CEP63: variants seen among roughly 807,000 people sequenced by gnomAD.
CEP63 encodes centrosomal protein of 63 kDa.
CEP63 carries 84 observed loss-of-function variants against 89.1 expected under a neutral mutation model. That is an observed-to-expected ratio of 0.94 (90% confidence interval 0.79 to 1.13). The LOEUF (loss-of-function observed/expected upper bound fraction) is 1.13, where lower values mean the gene tolerates loss of function less well. Among genes scored for constraint, CEP63 ranks in the 50% most tolerant of loss-of-function variants. The pLI, the probability that CEP63 is intolerant of heterozygous loss-of-function variation, is 0.00. For missense variants in CEP63, 838 were observed against 813.3 expected (o/e 1.03, Z -0.37); for synonymous variants, 267 against 272.5 (o/e 0.98, Z 0.20).
the CEP63 span, among the ~76,000 whole-genome samples, chr3:134,664,615 G>A: frequency 4.6e-5 from 7 of 152,140 alleles, no homozygotes; most frequent in African/African-American, 9.6e-5. Flanking sequence ...ATTTGTTTGC[G>A]TTTTCCTAGA....
At chr3:134,623,654 A>C in the CEP63 span, among the ~76,000 whole-genome samples, 3 of 141,508 alleles carry the variant, frequency 2.1e-5, no homozygotes, top group African/African-American at 5.4e-5. Context: ...CCCACTACTC[A>C]CCTCCTGCTT....
chr3:134,706,972 A>G, the CEP63 span, among the ~76,000 whole-genome samples: 2 of 152,346 alleles, frequency 1.3e-5, no homozygotes, highest in East Asian at 3.9e-4. Context: ...CTCTAAATCT[A>G]AGATGATCTC....
At chr3:134,636,933 T>C in the CEP63 span, among the ~76,000 whole-genome samples, 1 of 152,246 alleles carries the variant, frequency 6.6e-6, no homozygotes, top group Admixed American at 6.5e-5. Context: ...TATTATTTTT[T>C]CCTCATTGAT....
At chr3:134,498,475 C>T (rs1239233432) in intron 2 of CEP63, among the ~76,000 whole-genome samples, 1 of 152,104 alleles carries the variant, frequency 6.6e-6, no homozygotes, top group Non-Finnish European at 1.5e-5. Context: ...TTAGGTTTTT[C>T]TGTATGTCAG....
the CEP63 span, among the ~76,000 whole-genome samples, chr3:134,641,713 C>G: frequency 6.6e-6 from 1 of 152,164 alleles, no homozygotes; most frequent in Non-Finnish European, 1.5e-5. Context: ...TATACAACCC[C>G]GCACAGCCCC....
At chr3:134,709,361 T>C in the CEP63 span, among the ~76,000 whole-genome samples, 7 of 152,046 alleles carry the variant, frequency 4.6e-5, no homozygotes, top group Non-Finnish European at 1.0e-4. Context: ...TGCTTGGAGA[T>C]AGCCAAGTTG....
the CEP63 span, among the ~76,000 whole-genome samples, chr3:134,727,005 CT>C: frequency 4.5e-3 from 691 of 152,332 alleles, 3 homozygotes; most frequent in African/African-American, 0.016. Context: ...TCCCTGTCCC[CT>C]GTCCCATTTC....
downstream of CEP63, among the ~76,000 whole-genome samples, chr3:134,589,931 A>T (rs768009411): frequency 6.6e-6 from 1 of 152,210 alleles, no homozygotes; most frequent in Non-Finnish European, 1.5e-5. Context: ...AAAAGCATCA[A>T]ATCATGTCTT....
At chr3:134,559,782 A>G (rs1577433727) in intron 14 of CEP63, among the ~76,000 whole-genome samples, 1 of 152,174 alleles carries the variant, frequency 6.6e-6, no homozygotes, top group East Asian at 1.9e-4. Flanking sequence ...GTGAAGGAGG[A>G]AAAGAGGAAC....
At chr3:134,695,593 G>A in the CEP63 span, among the ~76,000 whole-genome samples, 5 of 152,306 alleles carry the variant, frequency 3.3e-5, 1 homozygote, top group South Asian at 6.2e-4. Context: ...GTGAAGCTGG[G>A]CAGAGGCACA....
At chr3:134,559,068 A>G in intron 13 of CEP63, 82 bp from the exon 14 acceptor site, 1 of 1,455,484 alleles carries the variant, frequency 6.9e-7, no homozygotes, top group South Asian at 1.2e-5. Flanking sequence ...TTAGGCTATT[A>G]AGCAAATTTC....
At chr3:134,579,220 T>TA (rs1406280710), downstream of CEP63, among the ~76,000 whole-genome samples, 1 of 152,258 alleles carries the variant, frequency 6.6e-6, no homozygotes, top group East Asian at 1.9e-4. Context: ...TTGCAACCAG[T>TA]AAATGAGAAC....
At chr3:134,548,418 C>T (rs1295125590) in intron 9 of CEP63, among the ~76,000 whole-genome samples, 1 of 152,150 alleles carries the variant, frequency 6.6e-6, no homozygotes, top group Non-Finnish European at 1.5e-5. Flanking sequence ...CTATACCATA[C>T]CCACCTAAAC....
At chr3:134,554,413 T>G (rs1955655858) in intron 12 of CEP63, among the ~76,000 whole-genome samples, 1 of 147,256 alleles carries the variant, frequency 6.8e-6, no homozygotes. Context: ...GGACATGAAC[T>G]CATCATTTTT....
chr3:134,584,057 C>T (rs572205472), intron 10 of CEP63, among the ~76,000 whole-genome samples: 1 of 152,308 alleles, frequency 6.6e-6, no homozygotes, highest in Non-Finnish European at 1.5e-5. Context: ...AGTTGCTTAT[C>T]AGCTTAAGGA....
the CEP63 span, among the ~76,000 whole-genome samples, chr3:134,674,252 TG>T: frequency 2.0e-5 from 3 of 152,072 alleles, no homozygotes; most frequent in Non-Finnish European, 2.9e-5. Flanking sequence ...CATGAAGAAG[TG>T]GGATTTATTC....
chr3:134,673,087 G>A, the CEP63 span, among the ~76,000 whole-genome samples: 2 of 152,266 alleles, frequency 1.3e-5, no homozygotes, highest in Middle Eastern at 6.8e-3. Flanking sequence ...CCCTGAATGA[G>A]GTGGATCACA....
chr3:134,720,581 GT>G, the CEP63 span, among the ~76,000 whole-genome samples: 18 of 152,038 alleles, frequency 1.2e-4, no homozygotes, highest in African/African-American at 4.3e-4. Context: ...TCCTCTGAGA[GT>G]TTTATGGTTT....
At chr3:134,542,567 A>G (rs916891215) in intron 6 of CEP63, among the ~76,000 whole-genome samples, 2 of 152,192 alleles carry the variant, frequency 1.3e-5, no homozygotes, top group Non-Finnish European at 2.9e-5. Flanking sequence ...GTACCTTCAT[A>G]CTGGGATTCT....
Sources: allele counts gnomAD v4.1 joint callset (sites outside exome capture counted in the v4.1 genomes callset), GRCh38; gene constraint gnomAD v4.1.1; transcripts MANE v1.5; gene names NCBI Gene and HGNC (gene_info 2026-07-23, HGNC 2026-07-21).